Variants in IGBP1C observed in about 807,000 individuals in gnomAD.
The protein encoded by IGBP1C is IGBP1 family member C, also known as immunoglobulin-binding protein 1 family member C.
the IGBP1C span, among the ~76,000 whole-genome samples, chr17:58,684,179 C>T: frequency 1.2e-4 from 18 of 150,888 alleles, no homozygotes; most frequent in Admixed American, 1.2e-3. Flanking sequence ...ATGCTTCCGC[C>T]CGGCATGGTG....
chr17:58,686,722 A>G, the IGBP1C span, among the ~76,000 whole-genome samples: 1 of 152,114 alleles, frequency 6.6e-6, no homozygotes, highest in Admixed American at 6.6e-5. Context: ...TACTGCTAGT[A>G]TATATGTCTG....
the IGBP1C span, among the ~76,000 whole-genome samples, chr17:58,683,762 CAA>C: frequency 2.1e-4 from 16 of 75,594 alleles, no homozygotes; most frequent in Admixed American, 3.2e-4. Flanking sequence ...GACTCCAGCT[CAA>C]AAAAAAAAAA....
At chr17:58,691,195 G>A in the IGBP1C span, among the ~76,000 whole-genome samples, 62 of 152,194 alleles carry the variant, frequency 4.1e-4, no homozygotes, top group African/African-American at 1.4e-3. Context: ...TAAACTATAT[G>A]CTGAGCTTCC....
chr17:58,690,156 T>A, the IGBP1C span, among the ~76,000 whole-genome samples: 2 of 150,408 alleles, frequency 1.3e-5, no homozygotes, highest in African/African-American at 4.9e-5. Context: ...GGTTTTTTTG[T>A]TTTTTTTATT....
the IGBP1C span, among the ~76,000 whole-genome samples, chr17:58,667,214 A>G: frequency 6.6e-6 from 1 of 152,180 alleles, no homozygotes. Flanking sequence ...GGAACAGGGC[A>G]TGCTAGCAGG....
chr17:58,691,666 C>CAAA, the IGBP1C span, among the ~76,000 whole-genome samples: 1,954 of 106,832 alleles, frequency 0.018, 80 homozygotes, highest in African/African-American at 0.035. Context: ...GACTCTGTCT[C>CAAA]AAAAAAAAAA....
the IGBP1C span, among the ~76,000 whole-genome samples, chr17:58,689,847 ATTTT>A: frequency 2.1e-5 from 3 of 141,268 alleles, no homozygotes; most frequent in African/African-American, 5.2e-5. Flanking sequence ...GGGCCAGAAG[ATTTT>A]TTTTTTTTTT....
chr17:58,677,460 G>C, the IGBP1C span: 2 of 152,168 alleles, frequency 1.3e-5, no homozygotes, highest in African/African-American at 4.8e-5. Flanking sequence ...TAGTAGTACA[G>C]CTTCTCACTT....
At chr17:58,683,308 G>A in the IGBP1C span, among the ~76,000 whole-genome samples, 12 of 151,522 alleles carry the variant, frequency 7.9e-5, no homozygotes, top group Non-Finnish European at 1.5e-4. Flanking sequence ...GGGAGGCGGA[G>A]GTTGCAGTGA....
At chr17:58,682,654 G>A in the IGBP1C span, among the ~76,000 whole-genome samples, 9 of 151,354 alleles carry the variant, frequency 5.9e-5, no homozygotes, top group East Asian at 1.6e-3. Flanking sequence ...GATTATAGGC[G>A]TGAGCCACCA....
At chr17:58,672,602 G>GT in the IGBP1C span, among the ~76,000 whole-genome samples, 2 of 151,878 alleles carry the variant, frequency 1.3e-5, no homozygotes, top group Non-Finnish European at 1.5e-5. Context: ...CCCAGCTAAT[G>GT]TTTTTTTATT....
At chr17:58,676,352 G>A in the IGBP1C span, among the ~76,000 whole-genome samples, 4 of 150,176 alleles carry the variant, frequency 2.7e-5, no homozygotes, top group Non-Finnish European at 5.9e-5. Context: ...CTCCAGCTTG[G>A]GCAACAAGAG....
chr17:58,688,929 C>CTATACATA, the IGBP1C span, among the ~76,000 whole-genome samples: 9 of 151,930 alleles, frequency 5.9e-5, 1 homozygote, highest in South Asian at 1.9e-3. Flanking sequence ...GTTTTTATTT[C>CTATACATA]TATACATATA....
the IGBP1C span, among the ~76,000 whole-genome samples, chr17:58,686,207 T>C: frequency 6.6e-6 from 1 of 152,066 alleles, no homozygotes; most frequent in African/African-American, 2.4e-5. Context: ...CACGGTGGCA[T>C]GTGCCTGTTA....
chr17:58,669,729 G>A, the IGBP1C span, among the ~76,000 whole-genome samples: 3 of 86,394 alleles, frequency 3.5e-5, no homozygotes, highest in Non-Finnish European at 6.4e-5. Context: ...GAGAGACTCC[G>A]TCTCAAAAAA....
At chr17:58,662,988 G>A in the IGBP1C span, among the ~76,000 whole-genome samples, 7 of 151,804 alleles carry the variant, frequency 4.6e-5, no homozygotes, top group African/African-American at 1.7e-4. Flanking sequence ...GGCACCTGTA[G>A]TCCCAGCCAC....
the IGBP1C span, chr17:58,661,831 T>C: frequency 8.6e-6 from 4 of 463,454 alleles, no homozygotes; most frequent in Non-Finnish European, 1.1e-5. Flanking sequence ...TTCCGTTTCC[T>C]AAAATTGTAA....
At chr17:58,662,413 TCTCACA>T in the IGBP1C span, among the ~76,000 whole-genome samples, 3,431 of 127,726 alleles carry the variant, frequency 0.027, 55 homozygotes, top group Non-Finnish European at 0.035. Flanking sequence ...AGCACACATA[TCTCACA>T]CACACACACA....
the IGBP1C span, among the ~76,000 whole-genome samples, chr17:58,683,924 G>T: frequency 6.6e-6 from 1 of 151,252 alleles, no homozygotes; most frequent in Non-Finnish European, 1.5e-5. Context: ...AATTAGCTGG[G>T]CGTGGTGGTG....
Sources: allele counts gnomAD v4.1 joint callset (sites outside exome capture counted in the v4.1 genomes callset), GRCh38; gene constraint gnomAD v4.1.1; transcripts MANE v1.5; gene names NCBI Gene and HGNC (gene_info 2026-07-23, HGNC 2026-07-21).